ABHD17B: variants seen among roughly 807,000 people sequenced by gnomAD.
The protein encoded by ABHD17B is alpha/beta hydrolase domain-containing protein 17B.
Under a neutral mutation model 26.2 loss-of-function variants are expected in ABHD17B, and 9 were observed. The observed-to-expected ratio is 0.34, with a 90% CI of 0.21 to 0.60. The LOEUF (loss-of-function observed/expected upper bound fraction) is 0.60, where lower values mean the gene tolerates loss of function less well. Ranked by LOEUF, ABHD17B falls within the 20% of genes least tolerant of loss-of-function variation. The pLI is 0.80. For missense variants in ABHD17B, 224 were observed against 352.1 expected (o/e 0.64, Z 2.91); for synonymous variants, 127 against 122.3 (o/e 1.04, Z -0.25).
At chr9:71,864,541 C>A (rs966814351), downstream of ABHD17B, among the ~76,000 whole-genome samples, 1 of 151,932 alleles carries the variant, frequency 6.6e-6, no homozygotes, top group Non-Finnish European at 1.5e-5. Flanking sequence ...TTAACTGCAC[C>A]TTCCTTCCTC....
At chr9:71,870,030 GA>G (rs1826065981) in intron 3 of ABHD17B, 52 bp downstream of exon 3, 1 of 1,506,786 alleles carries the variant, frequency 6.6e-7, no homozygotes, top group South Asian at 1.3e-5. Context: ...TTTAAATGAT[GA>G]AAAAATTCCC....
chr9:71,909,793 A>G (rs1179880638), intron 1 of ABHD17B, among the ~76,000 whole-genome samples: 1 of 152,126 alleles, frequency 6.6e-6, no homozygotes, highest in African/African-American at 2.4e-5. Flanking sequence ...AATCTACTTC[A>G]CACTGACTTA....
Position 71,874,931 on chromosome 9 carries a change from C to T in ABHD17B, c.150G>A (p.Leu50=). Residue 50 remains leucine, a synonymous_variant, in exon 2 of 4, where the codon CTG becomes CTA. Transcript: ENST00000333421. ...DESGSRWTLH[L]SERADWQYSS... ...AATACTGCCAGTCTGCTCGTTCAGA[C>T]AGATGTAAAGTCCAACGGCTTCCGC... 1 of 1,614,162 alleles carries T rather than the reference C, an allele frequency of 6.2e-7. No homozygotes were observed. Among genetic ancestry groups the T allele is most frequent in the Non-Finnish European group, 8.5e-7 (1 of 1,180,020 alleles).
intron 1 of ABHD17B, among the ~76,000 whole-genome samples, chr9:71,890,754 C>CT (rs1358617773): frequency 6.6e-6 from 1 of 152,134 alleles, no homozygotes; most frequent in African/African-American, 2.4e-5. Context: ...TCAGAAGAGG[C>CT]TTTAATTTTC....
intron 2 of ABHD17B, among the ~76,000 whole-genome samples, chr9:71,870,542 C>G (rs879612903): frequency 1.3e-5 from 2 of 152,110 alleles, no homozygotes; most frequent in Non-Finnish European, 1.5e-5. Flanking sequence ...ATTTATTACA[C>G]TATAATATTT....
chr9:71,893,893 TC>T (rs1238107626), intron 1 of ABHD17B, among the ~76,000 whole-genome samples: 5 of 152,022 alleles, frequency 3.3e-5, no homozygotes, highest in Admixed American at 2.0e-4. Context: ...ATGGAGATCA[TC>T]CTGGCTAACA....
At chr9:71,897,203 A>G (rs1826982432) in intron 1 of ABHD17B, among the ~76,000 whole-genome samples, 2 of 152,156 alleles carry the variant, frequency 1.3e-5, no homozygotes, top group Non-Finnish European at 2.9e-5. Context: ...CAACCACTCC[A>G]TATCATTAAA....
intron 1 of ABHD17B, among the ~76,000 whole-genome samples, chr9:71,905,559 C>G (rs1827258027): frequency 6.6e-6 from 1 of 152,076 alleles, no homozygotes; most frequent in South Asian, 2.1e-4. Context: ...GTACAGAAAA[C>G]TGACAGTTAT....
At chr9:71,902,512 GGTT>G (rs1827173712) in intron 1 of ABHD17B, 1 of 149,080 alleles carries the variant, frequency 6.7e-6, no homozygotes, top group South Asian at 2.1e-4. Flanking sequence ...GTCTGTAGCA[GGTT>G]GTTATCAATT....
At chr9:71,872,480 CA>C (rs1288554502) in intron 2 of ABHD17B, among the ~76,000 whole-genome samples, 5 of 151,962 alleles carry the variant, frequency 3.3e-5, no homozygotes, top group Admixed American at 2.0e-4. Context: ...TTCATATAGA[CA>C]CAGAACACTG....
chr9:71,898,726 G>A (rs1827040338), intron 1 of ABHD17B, among the ~76,000 whole-genome samples: 1 of 152,110 alleles, frequency 6.6e-6, no homozygotes, highest in Non-Finnish European at 1.5e-5. Context: ...GGCTGGGAGT[G>A]GTGGCTCCCA....
At chr9:71,900,519 G>A (rs370313600) in intron 1 of ABHD17B, among the ~76,000 whole-genome samples, 13 of 151,902 alleles carry the variant, frequency 8.6e-5, no homozygotes, top group Non-Finnish European at 1.3e-4. Context: ...GCGTGATGGC[G>A]TGTGCCTGTA....
At chr9:71,900,137 T>C (rs1318174296) in intron 1 of ABHD17B, among the ~76,000 whole-genome samples, 1 of 152,244 alleles carries the variant, frequency 6.6e-6, no homozygotes, top group Non-Finnish European at 1.5e-5. Flanking sequence ...GCCTTTTCTA[T>C]CCTTTTTGTA....
intron 1 of ABHD17B, among the ~76,000 whole-genome samples, chr9:71,903,895 AT>A (rs1827212374): frequency 6.6e-6 from 1 of 152,206 alleles, no homozygotes; most frequent in African/African-American, 2.4e-5. Context: ...TTTAATCTTA[AT>A]AATACTTTTC....
chr9:71,884,638 A>G (rs1826551487), intron 1 of ABHD17B, among the ~76,000 whole-genome samples: 1 of 151,866 alleles, frequency 6.6e-6, no homozygotes, highest in African/African-American at 2.4e-5. Context: ...TGAAGGGAAA[A>G]AAAAAAAAAA....
chr9:71,862,712 C>A, downstream of ABHD17B: 2 of 626,102 alleles, frequency 3.2e-6, no homozygotes, highest in South Asian at 3.9e-5. Context: ...AAGATTTTGT[C>A]ATGTATGTCT....
chr9:71,863,396 T>G (rs570343957), downstream of ABHD17B, among the ~76,000 whole-genome samples: 3 of 152,330 alleles, frequency 2.0e-5, no homozygotes, highest in East Asian at 5.8e-4. Context: ...TTGCCCAATG[T>G]TGCAGATCTA....
At chr9:71,867,073 T>C in intron 3 of ABHD17B, 67 bp from the exon 4 acceptor site, 1 of 1,514,412 alleles carries the variant, frequency 6.6e-7, no homozygotes, top group South Asian at 1.2e-5. Flanking sequence ...ATTCTTGTGC[T>C]ATATCAGACA....
rs375713635 is a variant in ABHD17B at position 71,877,751 on chromosome 9, T to C, written c.-3-2668A>G. 1.2e-4 allele frequency among the ~76,000 whole-genome samples: 19 copies of C among 152,302 alleles called. 1 individual carries two copies. The highest frequency in any genetic ancestry group is 1.2e-3 in the South Asian group (6 of 4,828). ...TTCATACACTATAATAAACTACTTT[T>C]GAAATAAAGCTGGCTGGTTGAACAT... On this transcript the variant is annotated intron_variant, in intron 1 of 3. Coordinates refer to ENST00000333421, the MANE Select transcript of ABHD17B (RefSeq NM_001025780.3).
Sources: allele counts gnomAD v4.1 joint callset (sites outside exome capture counted in the v4.1 genomes callset), GRCh38; gene constraint gnomAD v4.1.1; transcripts MANE v1.5; gene names NCBI Gene and HGNC (gene_info 2026-07-23, HGNC 2026-07-21).